The following CAP2 variants were observed in gnomAD, a reference collection of about 807,000 sequenced individuals.
The protein encoded by CAP2 is adenylyl cyclase-associated protein 2.
CAP2 carries 24 observed loss-of-function variants against 57.7 expected under a neutral mutation model. That is an observed-to-expected ratio of 0.42 (90% CI 0.30 to 0.58). The LOEUF (loss-of-function observed/expected upper bound fraction) is 0.58. CAP2 is among the 20% of genes least tolerant of loss of function. CAP2 has a pLI of 0.22. For synonymous variants in CAP2, 194 were observed against 207.2 expected (o/e 0.94, Z 0.55); for missense variants, 501 against 590.3 (o/e 0.85, Z 1.57).
chr6:17,493,427 A>C (rs1761591320), intron 4 of CAP2: 1 of 342,506 alleles, frequency 2.9e-6, no homozygotes, highest in Non-Finnish European at 6.0e-6. Flanking sequence ...GAAATTAAAC[A>C]AAAATAATTT....
At chr6:17,537,003 A>C (rs1196568583) in intron 7 of CAP2, among the ~76,000 whole-genome samples, 2 of 152,228 alleles carry the variant, frequency 1.3e-5, no homozygotes. Context: ...ACCTGATGGA[A>C]TTAGGCTGCT....
intron 2 of CAP2, among the ~76,000 whole-genome samples, chr6:17,422,435 T>C (rs1417312361): frequency 1.1e-4 from 16 of 149,352 alleles, no homozygotes; most frequent in African/African-American, 9.9e-5. Flanking sequence ...CTACAACCTC[T>C]GCTTCCCAGA....
chr6:17,525,543 AT>A (rs1762483425), intron 7 of CAP2, among the ~76,000 whole-genome samples: 2 of 151,916 alleles, frequency 1.3e-5, no homozygotes, highest in South Asian at 2.1e-4. Flanking sequence ...GCTGGAAGTT[AT>A]CCTTCCATCC....
intron 3 of CAP2, among the ~76,000 whole-genome samples, chr6:17,440,179 C>T (rs1053367326): frequency 1.3e-5 from 2 of 151,630 alleles, no homozygotes; most frequent in African/African-American, 4.9e-5. Flanking sequence ...TGATTCAAGT[C>T]CACTTTTGTA....
intron 7 of CAP2, among the ~76,000 whole-genome samples, chr6:17,530,222 G>C (rs954281899): frequency 5.9e-5 from 9 of 151,880 alleles, no homozygotes; most frequent in Admixed American, 4.6e-4. Context: ...TGAGACCACA[G>C]GCACATAACC....
chr6:17,439,327 C>T (rs1460515386), intron 3 of CAP2, among the ~76,000 whole-genome samples: 1 of 150,022 alleles, frequency 6.7e-6, no homozygotes, highest in Non-Finnish European at 1.5e-5. Flanking sequence ...CCCCATGGAT[C>T]GAAATGCTGC....
At chr6:17,397,171 C>G (rs927089437) in intron 1 of CAP2, among the ~76,000 whole-genome samples, 4 of 151,998 alleles carry the variant, frequency 2.6e-5, no homozygotes, top group Admixed American at 1.3e-4. Context: ...GAGATGCTCC[C>G]GCCTCAGCCT....
intron 7 of CAP2, among the ~76,000 whole-genome samples, chr6:17,529,649 A>T (rs868844662): frequency 1.1e-4 from 14 of 129,030 alleles, no homozygotes; most frequent in East Asian, 8.0e-4. Context: ...TCAAAAAAAA[A>T]AAATATATAT....
At chr6:17,556,023 T>G (rs544267444) in intron 12 of CAP2, among the ~76,000 whole-genome samples, 2 of 152,362 alleles carry the variant, frequency 1.3e-5, no homozygotes, top group Non-Finnish European at 2.9e-5. Context: ...CTCTGTTTCC[T>G]ACAGATGGCA....
intron 12 of CAP2, 143 bp downstream of exon 12, chr6:17,551,747 T>C (rs977547607): frequency 1.6e-6 from 1 of 627,810 alleles, no homozygotes. Context: ...GGGAGCTGTC[T>C]TCCACATCTC....
chr6:17,494,180 C>T (rs751216674), intron 4 of CAP2, among the ~76,000 whole-genome samples: 1 of 152,292 alleles, frequency 6.6e-6, no homozygotes, highest in South Asian at 2.1e-4. Flanking sequence ...GCAGCCAGAG[C>T]GATCCTTAGA....
chr6:17,529,608 TC>T (rs1442906788), intron 7 of CAP2, among the ~76,000 whole-genome samples: 1 of 142,056 alleles, frequency 7.0e-6, no homozygotes, highest in Non-Finnish European at 1.5e-5. Flanking sequence ...GCCACTGCAC[TC>T]CGGCCTGGGC....
intron 1 of CAP2, among the ~76,000 whole-genome samples, chr6:17,413,653 C>T (rs1759198170): frequency 6.6e-6 from 1 of 152,218 alleles, no homozygotes; most frequent in Admixed American, 6.5e-5. Flanking sequence ...TTCTCCTATA[C>T]ATACCATTAC....
At chr6:17,521,945 C>A (rs537520814) in intron 7 of CAP2, among the ~76,000 whole-genome samples, 1 of 152,036 alleles carries the variant, frequency 6.6e-6, no homozygotes, top group Admixed American at 6.6e-5. Flanking sequence ...CCTGTCTCTA[C>A]TAAAAATACA....
intron 4 of CAP2, among the ~76,000 whole-genome samples, chr6:17,505,703 G>C (rs2113655277): frequency 6.6e-6 from 1 of 152,234 alleles, no homozygotes; most frequent in South Asian, 2.1e-4. Flanking sequence ...GACCTTTGCT[G>C]TTTCTTTGGA....
intron 4 of CAP2, among the ~76,000 whole-genome samples, chr6:17,500,164 AT>A (rs1206464380): frequency 1.3e-5 from 2 of 150,476 alleles, no homozygotes; most frequent in Non-Finnish European, 3.0e-5. Flanking sequence ...AAAAATTTTT[AT>A]TTAATGGGAC....
intron 3 of CAP2, among the ~76,000 whole-genome samples, chr6:17,459,575 T>C (rs1340841271): frequency 6.6e-6 from 1 of 152,114 alleles, no homozygotes; most frequent in Non-Finnish European, 1.5e-5. Flanking sequence ...GGTTCCTCAA[T>C]AAGAAGATAA....
At chr6:17,496,023 T>TGGGCGGC (rs1761656487) in intron 4 of CAP2, among the ~76,000 whole-genome samples, 2 of 2,708 alleles carry the variant, frequency 7.4e-4, no homozygotes, top group African/African-American at 4.1e-3. Flanking sequence ...CATGCGTGTG[T>TGGGCGGC]GGGTGGGGGG....
At chr6:17,542,656 G>A (rs1237979665) in intron 9 of CAP2, among the ~76,000 whole-genome samples, 181 bp from the exon 10 acceptor site, 1 of 152,186 alleles carries the variant, frequency 6.6e-6, no homozygotes, top group African/African-American at 2.4e-5. Context: ...CCAAGAAGTG[G>A]TTCCGTTTTT....
Sources: allele counts gnomAD v4.1 joint callset (sites outside exome capture counted in the v4.1 genomes callset), GRCh38; gene constraint gnomAD v4.1.1; transcripts MANE v1.5; gene names NCBI Gene and HGNC (gene_info 2026-07-23, HGNC 2026-07-21).